Variants in PITPNM3 observed in about 807,000 individuals in gnomAD.
PITPNM3 encodes membrane-associated phosphatidylinositol transfer protein 3.
PITPNM3 carries 26 observed loss-of-function variants against 102.0 expected under a neutral mutation model. The ratio of observed to expected loss-of-function variants is 0.25; its 90% CI spans 0.19 to 0.35. PITPNM3 has a LOEUF of 0.35. Ranked by LOEUF, PITPNM3 falls within the 10% of genes least tolerant of loss-of-function variation. PITPNM3 has a pLI of 1.00. For missense variants in PITPNM3, 1,083 were observed against 1,346.1 expected (o/e 0.80, Z 3.06); for synonymous variants, 578 against 558.6 (o/e 1.03, Z -0.49).
At chr17:6,484,099 T>A in intron 5 of PITPNM3, 117 bp downstream of exon 5, 1 of 1,177,428 alleles carries the variant, frequency 8.5e-7, no homozygotes, top group East Asian at 2.3e-5. Flanking sequence ...CCACCCAGGG[T>A]CACACAGCAA....
At chr17:6,550,593 C>G (rs1381725874) in intron 1 of PITPNM3, among the ~76,000 whole-genome samples, 2 of 152,220 alleles carry the variant, frequency 1.3e-5, no homozygotes, top group African/African-American at 4.8e-5. Context: ...GTCTCTGTCT[C>G]CCAACCTGCT....
chr17:6,508,455 C>T (rs1313381382), intron 3 of PITPNM3, among the ~76,000 whole-genome samples: 3 of 152,328 alleles, frequency 2.0e-5, no homozygotes, highest in South Asian at 2.1e-4. Flanking sequence ...GCTCTTCCCA[C>T]AATTTCACCC....
At chr17:6,545,747 G>A (rs771564509) in intron 1 of PITPNM3, among the ~76,000 whole-genome samples, 1 of 74,826 alleles carries the variant, frequency 1.3e-5, no homozygotes, top group Admixed American at 1.7e-4. Context: ...GGCCAGCCCG[G>A]GTGCCTGTCT....
At chr17:6,518,322 A>G (rs919206390) in intron 3 of PITPNM3, among the ~76,000 whole-genome samples, 2 of 152,094 alleles carry the variant, frequency 1.3e-5, no homozygotes, top group Middle Eastern at 3.2e-3. Context: ...TGTGTCCAAC[A>G]TGGCTGGATG....
At chr17:6,504,087 C>T (rs551331858) in intron 3 of PITPNM3, among the ~76,000 whole-genome samples, 140 of 152,304 alleles carry the variant, frequency 9.2e-4, no homozygotes, top group Admixed American at 1.3e-3. Context: ...TAGAAGTCTG[C>T]GGCCCCTCCC....
intron 3 of PITPNM3, among the ~76,000 whole-genome samples, chr17:6,507,952 A>T (rs955711942): frequency 6.6e-6 from 1 of 150,490 alleles, no homozygotes; most frequent in South Asian, 2.1e-4. Context: ...GGAGGTGGGC[A>T]AGGATGAGAG....
At chr17:6,473,018 C>A (rs73975557) in intron 10 of PITPNM3, among the ~76,000 whole-genome samples, 191 bp from the exon 11 acceptor site, 7,035 of 152,292 alleles carry the variant, frequency 0.046, 549 homozygotes, top group African/African-American at 0.16. Context: ...GTGACAGGCA[C>A]CCAGCACTGC....
chr17:6,494,147 G>A (rs1906657829), intron 4 of PITPNM3, among the ~76,000 whole-genome samples: 1 of 152,184 alleles, frequency 6.6e-6, no homozygotes, highest in African/African-American at 2.4e-5. Context: ...TTAAAGATGA[G>A]AAAACCAAGG....
chr17:6,538,324 G>A (rs1909557243), intron 1 of PITPNM3, among the ~76,000 whole-genome samples: 1 of 151,990 alleles, frequency 6.6e-6, no homozygotes, highest in African/African-American at 2.4e-5. Context: ...TCCTAACACT[G>A]AGGCTGGTGG....
intron 18 of PITPNM3, 120 bp downstream of exon 18, chr17:6,461,253 G>T: frequency 1.6e-6 from 2 of 1,241,848 alleles, no homozygotes; most frequent in Non-Finnish European, 2.3e-6. Context: ...AGATCCACGG[G>T]AATGGGATTT....
chr17:6,510,545 A>T (rs920064051), intron 3 of PITPNM3, among the ~76,000 whole-genome samples: 3 of 152,236 alleles, frequency 2.0e-5, no homozygotes, highest in African/African-American at 7.2e-5. Context: ...GTCAATTCTG[A>T]GTCCACTTCT....
At chr17:6,521,914 T>A (rs1908546871) in intron 3 of PITPNM3, among the ~76,000 whole-genome samples, 1 of 152,190 alleles carries the variant, frequency 6.6e-6, no homozygotes, top group South Asian at 2.1e-4. Flanking sequence ...TGAAGGGCCA[T>A]TCCATCCTTA....
chr17:6,512,291 C>G (rs943251366), intron 3 of PITPNM3, among the ~76,000 whole-genome samples: 1 of 152,210 alleles, frequency 6.6e-6, no homozygotes, highest in African/African-American at 2.4e-5. Flanking sequence ...ATATTCCTAT[C>G]ACTCAGAGAT....
At chr17:6,553,843 T>G (rs767558114) in intron 1 of PITPNM3, among the ~76,000 whole-genome samples, 1 of 152,200 alleles carries the variant, frequency 6.6e-6, no homozygotes, top group South Asian at 2.1e-4. Flanking sequence ...GCTCTCTATG[T>G]TCTCCTTGGG....
chr17:6,478,860 A>G lies in PITPNM3; in HGVS notation c.588-124T>C. ...ATTGGGCTCCAGGGACCCTTCAGGA[A>G]GACCCAGGCAGGAGCCTGGTGACAC... On this transcript the variant is annotated intron_variant, in intron 6 of 19. Transcript: ENST00000262483. This position sits in a 1 kb window ranked among gnomAD's most constrained non-coding sequence, Gnocchi z 4.4. 1 of 952,576 alleles carries G rather than the reference A, an allele frequency of 1.0e-6. No homozygotes were observed. The highest frequency in any genetic ancestry group is 1.5e-6 in the Non-Finnish European group (1 of 651,830). 59.0% of individuals were successfully genotyped at this position (952,576 alleles called of 1,614,324 possible).
chr17:6,512,883 A>C (rs376201798), intron 3 of PITPNM3, among the ~76,000 whole-genome samples: 1 of 152,212 alleles, frequency 6.6e-6, no homozygotes, highest in Non-Finnish European at 1.5e-5. Flanking sequence ...GTTAGTATAC[A>C]TTATCCTAGA....
chr17:6,467,594 C>T (rs57379144), intron 14 of PITPNM3, among the ~76,000 whole-genome samples: 17,950 of 152,192 alleles, frequency 0.12, 1,515 homozygotes, highest in African/African-American at 0.24. Flanking sequence ...TCTTGGGGTC[C>T]ATGTCTGGTC....
intron 1 of PITPNM3, among the ~76,000 whole-genome samples, chr17:6,544,677 C>CACAA (rs1909923432): frequency 6.7e-6 from 1 of 149,010 alleles, no homozygotes; most frequent in South Asian, 2.1e-4. Flanking sequence ...CACACACACA[C>CACAA]AAATACACAC....
chr17:6,537,923 A>T lies in PITPNM3; in HGVS notation c.118+64T>A. 7.2e-7 allele frequency: 1 copy of T among 1,388,862 alleles called. No individual in the cohort carries two copies. Among genetic ancestry groups the T allele is most frequent in the Non-Finnish European group, 1.0e-6 (1 of 982,756 alleles). The allele number at this position is 1,388,862 out of a possible 1,614,324, so 86.0% of individuals were successfully genotyped here. A position where few individuals can be genotyped will look rare whatever the true frequency, so the allele number is the denominator to read the frequency against. Reference sequence around the variant, plus strand: ...GGAGGGATGCGGACCCCCAAATGGGATCTTCTTCTTGAGGCTTCTAGGAAG... The same window carrying T: ...GGAGGGATGCGGACCCCCAAATGGGTTCTTCTTCTTGAGGCTTCTAGGAAG... On this transcript the variant is annotated intron_variant, in intron 2 of 19. Coordinates refer to ENST00000262483, the MANE Select transcript of PITPNM3 (RefSeq NM_031220.4). The surrounding 1 kb of genome is among the most constrained non-coding windows in gnomAD (Gnocchi z 4.4).
Sources: gnomAD v4.1 joint callset for allele counts (sites outside exome capture counted in the v4.1 genomes callset) on GRCh38, gnomAD v4.1.1 for gene constraint, Gnocchi (gnomAD v3.1) non-coding constraint, MANE v1.5 for transcripts, NCBI Gene and HGNC (gene_info 2026-07-23, HGNC 2026-07-21) for gene names.